PCDH15: variants seen among roughly 807,000 people sequenced by gnomAD.
The protein encoded by PCDH15 is protocadherin-15.
Under a neutral mutation model 178.5 loss-of-function variants are expected in PCDH15, and 129 were observed. The observed-to-expected ratio is 0.72, with a 90% CI of 0.63 to 0.84. The LOEUF is 0.84. PCDH15 is among the 40% of genes least tolerant of loss of function. The pLI, the probability that PCDH15 is intolerant of heterozygous loss-of-function variation, is 0.00. For synonymous variants in PCDH15, 800 were observed against 732.0 expected (o/e 1.09, Z -1.50); for missense variants, 2,230 against 2,099.9 (o/e 1.06, Z -1.21).
intron 23 of PCDH15, among the ~76,000 whole-genome samples, chr10:53,949,990 T>C (rs2086887702): frequency 1.3e-5 from 2 of 152,150 alleles, no homozygotes; most frequent in South Asian, 2.1e-4. Flanking sequence ...GAGAAACTTA[T>C]TTTAAGTATA....
At chr10:54,877,658 A>C (rs2131802042) in intron 3 of PCDH15, among the ~76,000 whole-genome samples, 1 of 152,252 alleles carries the variant, frequency 6.6e-6, no homozygotes, top group Admixed American at 6.5e-5. Flanking sequence ...GTAAAATATA[A>C]ATATTTTAAA....
At chr10:53,896,447 C>T (rs1014506355) in intron 26 of PCDH15, among the ~76,000 whole-genome samples, 4 of 152,114 alleles carry the variant, frequency 2.6e-5, no homozygotes, top group African/African-American at 7.2e-5. Flanking sequence ...TAATAGATGT[C>T]GTGAGTATTT....
chr10:53,808,562 T>A, intron 37 of PCDH15: 1 of 1,447,710 alleles, frequency 6.9e-7, no homozygotes, highest in Non-Finnish European at 9.1e-7. Flanking sequence ...TCTGGCATGC[T>A]TCTGATCATA....
chr10:53,829,737 T>C (rs2076907249), intron 30 of PCDH15, among the ~76,000 whole-genome samples: 1 of 152,148 alleles, frequency 6.6e-6, no homozygotes, highest in South Asian at 2.1e-4. Context: ...TGAAAAGTAA[T>C]GACCTGCTTG....
intron 2 of PCDH15, among the ~76,000 whole-genome samples, chr10:55,135,330 C>T (rs930571364): frequency 6.6e-6 from 1 of 152,102 alleles, no homozygotes; most frequent in East Asian, 1.9e-4. Flanking sequence ...TGCCTTACAT[C>T]TAAGTAAGCA....
intron 2 of PCDH15, among the ~76,000 whole-genome samples, chr10:54,936,242 C>T (rs889558758): frequency 6.6e-6 from 1 of 151,980 alleles, no homozygotes; most frequent in Non-Finnish European, 1.5e-5. Flanking sequence ...TATTAAATTT[C>T]ATTGTGTGGA....
intron 2 of PCDH15, among the ~76,000 whole-genome samples, chr10:55,404,420 C>G (rs946052474): frequency 6.6e-6 from 1 of 151,894 alleles, no homozygotes; most frequent in Non-Finnish European, 1.5e-5. Context: ...TTTTTCTGAG[C>G]GTCACTAGCA....
chr10:54,473,457 A>G (rs974585245), intron 3 of PCDH15, among the ~76,000 whole-genome samples: 2 of 151,916 alleles, frequency 1.3e-5, no homozygotes, highest in African/African-American at 4.8e-5. Flanking sequence ...ATGAGAATGA[A>G]TTTTCTCGTC....
chr10:54,406,776 CGTAAGA>C (rs1048475212), intron 3 of PCDH15, among the ~76,000 whole-genome samples: 1 of 152,180 alleles, frequency 6.6e-6, no homozygotes, highest in East Asian at 1.9e-4. Context: ...AAGGAGCAAA[CGTAAGA>C]GTAAAAGGCC....
At chr10:54,330,112 A>C (rs1939134796) in intron 6 of PCDH15, among the ~76,000 whole-genome samples, 1 of 151,930 alleles carries the variant, frequency 6.6e-6, no homozygotes, top group African/African-American at 2.4e-5. Flanking sequence ...ATCAATTGTC[A>C]ACATTGATAT....
At chr10:54,145,098 A>G (rs374205536) in intron 14 of PCDH15, among the ~76,000 whole-genome samples, 2 of 152,130 alleles carry the variant, frequency 1.3e-5, no homozygotes, top group East Asian at 3.8e-4. Context: ...AACTTCATCT[A>G]TAACACTTAT....
intron 13 of PCDH15, among the ~76,000 whole-genome samples, chr10:54,157,041 C>G (rs947963410): frequency 3.3e-5 from 5 of 152,180 alleles, no homozygotes; most frequent in Admixed American, 6.5e-5. Flanking sequence ...AGCCTCCCCC[C>G]CAACTTTGTT....
At chr10:55,418,484 A>G (rs61851119) in intron 2 of PCDH15, among the ~76,000 whole-genome samples, 32,637 of 151,614 alleles carry the variant, frequency 0.22, 3,720 homozygotes, top group African/African-American at 0.28. Flanking sequence ...TGCAAACACC[A>G]GTGCCTAAGG....
In PCDH15 at chr10:54,386,935, C is replaced by T. The variant is rs184452433; in HGVS notation, c.158-7993G>A. Among the ~76,000 whole-genome samples the T allele has an allele frequency of 5.9e-3, 902 of 152,032 alleles. 7 individuals are homozygous for T. Among genetic ancestry groups the T allele is most frequent in the African/African-American group, 0.019 (803 of 41,454 alleles). ...AAGTTCAAGAGATTAATTTTACATC[C>T]CAGTAACTATAGTTAATAACAATAT... On this transcript the variant is annotated intron_variant, in intron 3 of 37. Transcript: ENST00000644397.
At chr10:54,189,794 C>A (rs1428110337) in intron 11 of PCDH15, among the ~76,000 whole-genome samples, 2 of 151,920 alleles carry the variant, frequency 1.3e-5, no homozygotes, top group Non-Finnish European at 2.9e-5. Flanking sequence ...CTCAGACATG[C>A]CTCTTAACAC....
At chr10:55,117,736 A>C (rs1232280538) in intron 2 of PCDH15, among the ~76,000 whole-genome samples, 1 of 152,196 alleles carries the variant, frequency 6.6e-6, no homozygotes, top group South Asian at 2.1e-4. Flanking sequence ...AATTCAGAGA[A>C]AAACAAACTA....
At chr10:55,003,958 G>T (rs1240998085) in intron 2 of PCDH15, among the ~76,000 whole-genome samples, 1 of 152,186 alleles carries the variant, frequency 6.6e-6, no homozygotes, top group African/African-American at 2.4e-5. Flanking sequence ...ATTCCTGGCT[G>T]GGCTCGGGAG....
At chr10:53,992,002 G>A (rs1252103101) in intron 21 of PCDH15, among the ~76,000 whole-genome samples, 3 of 152,036 alleles carry the variant, frequency 2.0e-5, no homozygotes, top group Non-Finnish European at 4.4e-5. Flanking sequence ...TTTGCTCTTT[G>A]CAATAAATCT....
At chr10:55,308,253 G>A (rs551437759) in intron 1 of PCDH15, among the ~76,000 whole-genome samples, 22 of 152,194 alleles carry the variant, frequency 1.4e-4, no homozygotes, top group East Asian at 3.9e-4. Flanking sequence ...TATAACAAGC[G>A]GTGAATTATT....
Sources: allele counts gnomAD v4.1 joint callset (sites outside exome capture counted in the v4.1 genomes callset), GRCh38; gene constraint gnomAD v4.1.1; transcripts MANE v1.5; gene names NCBI Gene and HGNC (gene_info 2026-07-23, HGNC 2026-07-21).